Variants in ADAMTSL1 observed in about 807,000 individuals in gnomAD.
ADAMTSL1 encodes ADAMTS like 1.
Under a neutral mutation model 201.8 loss-of-function variants are expected in ADAMTSL1, and 126 were observed. The ratio of observed to expected loss-of-function variants is 0.62; its 90% confidence interval spans 0.54 to 0.72. The LOEUF is 0.72. ADAMTSL1 is among the 30% of genes least tolerant of loss of function. The pLI, the probability that ADAMTSL1 is intolerant of heterozygous loss-of-function variation, is 0.00. For missense variants in ADAMTSL1, 2,679 were observed against 2,277.8 expected (o/e 1.18, Z -3.59); for synonymous variants, 1,121 against 903.4 (o/e 1.24, Z -4.32).
intron 13 of ADAMTSL1, among the ~76,000 whole-genome samples, chr9:18,691,224 CT>C (rs1831196866): frequency 6.6e-6 from 1 of 152,144 alleles, no homozygotes; most frequent in African/African-American, 2.4e-5. Context: ...TTGCATCTAC[CT>C]CTAAGATAAA....
At chr9:18,669,338 T>C (rs957716988) in intron 9 of ADAMTSL1, among the ~76,000 whole-genome samples, 33 of 152,246 alleles carry the variant, frequency 2.2e-4, no homozygotes, top group African/African-American at 8.0e-4. Context: ...CATTCATTAA[T>C]ACCAAGAATG....
At chr9:18,008,982 C>T (rs1041158307) in intron 1 of ADAMTSL1, among the ~76,000 whole-genome samples, 1 of 151,996 alleles carries the variant, frequency 6.6e-6, no homozygotes, top group African/African-American at 2.4e-5. Flanking sequence ...GAGGACTGGA[C>T]ATGGGTGAGC....
At chr9:18,861,411 A>G (rs185952569) in intron 23 of ADAMTSL1, among the ~76,000 whole-genome samples, 4 of 152,316 alleles carry the variant, frequency 2.6e-5, no homozygotes, top group African/African-American at 7.2e-5. Flanking sequence ...AATCTCGGAA[A>G]GGTCAGAATT....
rs1482980813 is a variant in ADAMTSL1 at position 18,707,141 on chromosome 9, A to C, written c.1876+93A>C. The C allele has an allele frequency of 2.8e-6, 4 of 1,441,496 alleles. No individual in the cohort carries two copies. In the South Asian group the frequency reaches 5.5e-5, roughly 20 times the overall value. The allele number at this position is 1,441,496 out of a possible 1,614,324, so 89.3% of individuals were successfully genotyped here. A position where few individuals can be genotyped will look rare whatever the true frequency, so the allele number is the denominator to read the frequency against. On this transcript the variant is annotated intron_variant, in intron 14 of 28. Transcript: ENST00000380548. Reference sequence around the variant, plus strand: ...TGGATCATGTGACTGCCTCAAATCCAAGAATGATAAGCAGGAGGAGGAGGG... The same window carrying C: ...TGGATCATGTGACTGCCTCAAATCCCAGAATGATAAGCAGGAGGAGGAGGG...
At chr9:18,556,853 G>A (rs894052851) in intron 3 of ADAMTSL1, among the ~76,000 whole-genome samples, 4 of 151,998 alleles carry the variant, frequency 2.6e-5, no homozygotes, top group Admixed American at 1.3e-4. Flanking sequence ...TGGTTCTGGA[G>A]GCAGCAAGGC....
intron 4 of ADAMTSL1, among the ~76,000 whole-genome samples, chr9:18,584,722 G>A (rs1427351659): frequency 1.3e-5 from 2 of 152,122 alleles, no homozygotes; most frequent in African/African-American, 4.8e-5. Context: ...ATTTTTGGAG[G>A]AGATTGCCTT....
intron 2 of ADAMTSL1, among the ~76,000 whole-genome samples, chr9:18,251,040 A>C (rs1831446780): frequency 6.6e-6 from 1 of 152,194 alleles, no homozygotes; most frequent in Non-Finnish European, 1.5e-5. Flanking sequence ...CAAAAAACAG[A>C]AACAGCACAG....
In ADAMTSL1 at chr9:18,706,767, C is replaced by T. The variant is rs1273673749; in HGVS notation, c.1595C>T (p.Ser532Leu). 6 of 1,604,644 alleles carry T rather than the reference C, an allele frequency of 3.7e-6. No individual in the cohort carries two copies. Among genetic ancestry groups the T allele is most frequent in the Non-Finnish European group, 4.3e-6 (5 of 1,175,468 alleles). Reference sequence around the variant, plus strand: ...TGCAGGTTCATCCCAGAGGCCTGGTCGGCCTGCACAGTCACCTGTGGTGTG... The same window carrying T: ...TGCAGGTTCATCCCAGAGGCCTGGTTGGCCTGCACAGTCACCTGTGGTGTG... ...EEPSFIPEAWSACTVTCGVGT... is the reference protein window; with the variant it reads ...EEPSFIPEAWLACTVTCGVGT... Residue 532 changes from serine to leucine, a missense_variant, in exon 14 of 29, where the codon TCG (serine) becomes TTG (leucine). Ser to Leu is a moderately radical substitution (Grantham distance 145). Transcript: ENST00000380548.
chr9:18,711,612 G>A (rs556705291), intron 14 of ADAMTSL1, among the ~76,000 whole-genome samples: 10 of 152,212 alleles, frequency 6.6e-5, no homozygotes, highest in South Asian at 4.1e-4. Flanking sequence ...ACGGAGTCTC[G>A]CTGATTGCTA....
chr9:18,081,690 T>G (rs1823505756), intron 1 of ADAMTSL1, among the ~76,000 whole-genome samples: 1 of 152,238 alleles, frequency 6.6e-6, no homozygotes, highest in African/African-American at 2.4e-5. Flanking sequence ...TCATTTTGTT[T>G]GTACCTCTCC....
At chr9:17,916,832 G>C (rs1320815346) in intron 1 of ADAMTSL1, among the ~76,000 whole-genome samples, 1 of 152,128 alleles carries the variant, frequency 6.6e-6, no homozygotes. Flanking sequence ...GCGGGGATTT[G>C]ATTAGGAGTG....
At chr9:18,715,595 A>G (rs1832875429) in intron 14 of ADAMTSL1, among the ~76,000 whole-genome samples, 1 of 152,164 alleles carries the variant, frequency 6.6e-6, no homozygotes, top group African/African-American at 2.4e-5. Context: ...GAGGATACAA[A>G]CAAATGGAAG....
At chr9:18,840,789 T>C (rs1209126539) in intron 23 of ADAMTSL1, among the ~76,000 whole-genome samples, 1 of 149,894 alleles carries the variant, frequency 6.7e-6, no homozygotes, top group Non-Finnish European at 1.5e-5. Context: ...TTTTATTCTC[T>C]TTGAAGCAAT....
chr9:18,541,474 C>A (rs138147407), intron 3 of ADAMTSL1, among the ~76,000 whole-genome samples: 1,575 of 151,056 alleles, frequency 0.01, 29 homozygotes, highest in African/African-American at 0.034. Context: ...CGTGTCATTG[C>A]ACTCCAGACT....
intron 2 of ADAMTSL1, among the ~76,000 whole-genome samples, chr9:18,446,019 A>G (rs1482330036): frequency 2.0e-5 from 3 of 152,162 alleles, no homozygotes; most frequent in Non-Finnish European, 4.4e-5. Context: ...TGCTTAAGAC[A>G]ATATAACCAG....
At chr9:17,971,300 G>T (rs1003539379) in intron 1 of ADAMTSL1, among the ~76,000 whole-genome samples, 1 of 152,002 alleles carries the variant, frequency 6.6e-6, no homozygotes, top group Non-Finnish European at 1.5e-5. Context: ...ATAGTTTCTT[G>T]TCTATTCAAC....
At chr9:18,266,307 T>C (rs1157084331) in intron 2 of ADAMTSL1, among the ~76,000 whole-genome samples, 2 of 152,304 alleles carry the variant, frequency 1.3e-5, no homozygotes, top group East Asian at 1.9e-4. Context: ...TCTAGGAGAC[T>C]ATCACCTCCT....
At chr9:18,251,288 A>G (rs913302764) in intron 2 of ADAMTSL1, among the ~76,000 whole-genome samples, 1 of 152,168 alleles carries the variant, frequency 6.6e-6, no homozygotes, top group African/African-American at 2.4e-5. Context: ...TGGAGATAAA[A>G]ACAGGAAAAA....
rs1829780503 is a variant in ADAMTSL1, at chr9:18,898,240, G to A, written c.4851+5644G>A. On this transcript the variant is annotated intron_variant, in intron 26 of 28. Coordinates refer to ENST00000380548, the MANE Select transcript of ADAMTSL1 (RefSeq NM_001040272.6). ...CTTCGCTGAGCTAAAGGAGCATGTT[G>A]TAACCCAATGCAAAGAAGCCGAGAA... is the stretch of plus-strand genomic sequence containing the variant. Among the ~76,000 whole-genome samples the A allele has an allele frequency of 2.0e-5, 3 of 152,188 alleles. No individual in the cohort carries two copies. In the South Asian group the frequency reaches 6.2e-4, roughly 32 times the overall value.
Sources: allele counts gnomAD v4.1 joint callset (sites outside exome capture counted in the v4.1 genomes callset), GRCh38; gene constraint gnomAD v4.1.1; transcripts MANE v1.5; gene names NCBI Gene and HGNC (gene_info 2026-07-23, HGNC 2026-07-21).